Variants in BRD10 observed in about 807,000 individuals in gnomAD.
BRD10 encodes bromodomain containing 10.
the BRD10 span, among the ~76,000 whole-genome samples, chr9:5,961,608 T>A: frequency 6.6e-6 from 1 of 152,156 alleles, no homozygotes. Flanking sequence ...CGCCAGGACA[T>A]ATTTTTCTTT....
chr9:5,998,634 G>A, the BRD10 span, among the ~76,000 whole-genome samples: 4 of 152,122 alleles, frequency 2.6e-5, no homozygotes, highest in South Asian at 6.2e-4. Flanking sequence ...TTGGGTGTAA[G>A]TAAATAATAC....
chr9:5,976,402 T>G, the BRD10 span, among the ~76,000 whole-genome samples: 1 of 152,164 alleles, frequency 6.6e-6, no homozygotes, highest in African/African-American at 2.4e-5. Context: ...CCCATAAAAT[T>G]TAATTCAGAG....
chr9:5,994,904 T>TCTTTTTTC, the BRD10 span, among the ~76,000 whole-genome samples: 3 of 147,994 alleles, frequency 2.0e-5, no homozygotes, highest in Non-Finnish European at 4.5e-5. Context: ...CATTTTTCTT[T>TCTTTTTTC]TTTTTTTTTT....
chr9:5,954,388 T>A, the BRD10 span, among the ~76,000 whole-genome samples: 1 of 152,232 alleles, frequency 6.6e-6, no homozygotes, highest in Non-Finnish European at 1.5e-5. Flanking sequence ...AAAAGTCACA[T>A]TACTACTGCT....
At chr9:5,924,956 C>T in the BRD10 span, 1 of 764,400 alleles carries the variant, frequency 1.3e-6, no homozygotes, top group Non-Finnish European at 1.9e-6. Flanking sequence ...TATTAAGTCA[C>T]TAGAAATGCT....
chr9:5,922,223 T>A, the BRD10 span: 2 of 1,613,898 alleles, frequency 1.2e-6, no homozygotes, highest in Non-Finnish European at 8.5e-7. Flanking sequence ...ATCAGCAGTC[T>A]GTTGTGCAAA....
the BRD10 span, among the ~76,000 whole-genome samples, chr9:5,912,416 T>C: frequency 2.6e-5 from 4 of 151,812 alleles, no homozygotes; most frequent in African/African-American, 4.8e-5. Flanking sequence ...AAGGTGACCC[T>C]AACCCATCTA....
At chr9:5,966,565 T>A in the BRD10 span, among the ~76,000 whole-genome samples, 1 of 140,516 alleles carries the variant, frequency 7.1e-6, no homozygotes, top group East Asian at 2.3e-4. Flanking sequence ...GTTGAAGCAA[T>A]TCTCCTGCCT....
chr9:5,912,422 A>G, the BRD10 span, among the ~76,000 whole-genome samples: 2 of 151,974 alleles, frequency 1.3e-5, no homozygotes, highest in Non-Finnish European at 2.9e-5. Flanking sequence ...ACCCTAACCC[A>G]TCTAAGAACA....
At chr9:5,918,984 C>T in the BRD10 span, 1 of 152,566 alleles carries the variant, frequency 6.6e-6, no homozygotes, top group Non-Finnish European at 1.5e-5. Context: ...TTCAATGGAA[C>T]AAGAACACAC....
chr9:5,906,880 T>G, the BRD10 span: 6 of 1,548,638 alleles, frequency 3.9e-6, no homozygotes, highest in Non-Finnish European at 4.3e-6. Context: ...CAATTTACAT[T>G]TCAGGATAAA....
the BRD10 span, among the ~76,000 whole-genome samples, chr9:5,890,196 G>A: frequency 1.3e-5 from 2 of 152,156 alleles, no homozygotes; most frequent in Non-Finnish European, 1.5e-5. Flanking sequence ...CCATGTTCAC[G>A]TGTGAGATAT....
chr9:5,903,285 T>C, the BRD10 span, among the ~76,000 whole-genome samples: 5 of 152,344 alleles, frequency 3.3e-5, no homozygotes, highest in South Asian at 1.0e-3. Context: ...GAGAAGAAAG[T>C]GTATTCTGTT....
the BRD10 span, chr9:5,898,040 C>A: frequency 5.4e-6 from 1 of 185,348 alleles, no homozygotes; most frequent in Admixed American, 5.3e-5. Context: ...AGTGAGAGAG[C>A]AAGAGGGAGC....
At chr9:5,987,841 T>C in the BRD10 span, among the ~76,000 whole-genome samples, 1 of 152,192 alleles carries the variant, frequency 6.6e-6, no homozygotes, top group Admixed American at 6.5e-5. Flanking sequence ...AAAAGTTATA[T>C]AAATGCCATC....
the BRD10 span, among the ~76,000 whole-genome samples, chr9:5,901,351 C>A: frequency 6.6e-6 from 1 of 152,068 alleles, no homozygotes; most frequent in East Asian, 1.9e-4. Flanking sequence ...ATTTTTTGTA[C>A]CTAGATATTC....
chr9:5,907,855 A>G, the BRD10 span, among the ~76,000 whole-genome samples: 1 of 152,240 alleles, frequency 6.6e-6, no homozygotes, highest in Non-Finnish European at 1.5e-5. Context: ...TGGGACGCTG[A>G]GGCAGGAGAA....
At chr9:5,882,294 G>T in the BRD10 span, among the ~76,000 whole-genome samples, 1 of 152,100 alleles carries the variant, frequency 6.6e-6, no homozygotes, top group Non-Finnish European at 1.5e-5. Context: ...CTCCTTCCCT[G>T]TTGCCTTAGC....
At chr9:5,972,445 T>C in the BRD10 span, among the ~76,000 whole-genome samples, 45 of 152,236 alleles carry the variant, frequency 3.0e-4, no homozygotes, top group Non-Finnish European at 5.9e-4. Context: ...CCAATTCTCA[T>C]GGTGAAATTT....
Sources: gnomAD v4.1 joint callset for allele counts (sites outside exome capture counted in the v4.1 genomes callset) on GRCh38, gnomAD v4.1.1 for gene constraint, MANE v1.5 for transcripts, NCBI Gene and HGNC (gene_info 2026-07-23, HGNC 2026-07-21) for gene names.